Variants in NAA25 observed in about 807,000 individuals in gnomAD.
NAA25 encodes the protein N-terminal acetyltransferase B complex subunit NAA25.
NAA25 carries 30 observed loss-of-function variants against 132.5 expected under a neutral mutation model. The observed-to-expected ratio is 0.23, with a 90% CI of 0.17 to 0.31. The LOEUF (loss-of-function observed/expected upper bound fraction) is 0.31, where lower values mean the gene tolerates loss of function less well. Ranked by LOEUF, NAA25 falls within the 10% of genes least tolerant of loss-of-function variation. The pLI, the probability that NAA25 is intolerant of heterozygous loss-of-function variation, is 1.00. For synonymous variants in NAA25, 359 were observed against 401.9 expected (o/e 0.89, Z 1.28); for missense variants, 771 against 1,150.4 (o/e 0.67, Z 4.77).
At chr12:112,064,947 T>C (rs982022136) in intron 11 of NAA25, among the ~76,000 whole-genome samples, 7 of 152,188 alleles carry the variant, frequency 4.6e-5, no homozygotes, top group South Asian at 2.1e-4. Flanking sequence ...GGCAGGAGAA[T>C]TGCTTGAACC....
In NAA25 at chr12:112,043,222, G is replaced by T; in HGVS notation, c.2251-11C>A. On this transcript the variant is annotated splice_polypyrimidine_tract_variant and intron_variant, in intron 18 of 23. Transcript: ENST00000261745. ...ACCAAGGAAAGGATACTGGAAAAAA[G>T]GGAGAAAAATAATGCTCTTTTAAAT... 6.4e-7 allele frequency: 1 copy of T among 1,568,912 alleles called. No homozygotes were observed. The highest frequency in any genetic ancestry group is 1.2e-5 in the South Asian group (1 of 84,122).
intron 22 of NAA25, among the ~76,000 whole-genome samples, chr12:112,035,858 A>C (rs544004426): frequency 6.6e-6 from 1 of 151,558 alleles, no homozygotes; most frequent in Non-Finnish European, 1.5e-5. Context: ...ATTTTTAAAA[A>C]TTTTTTTGTT....
At position 112,033,006 on chromosome 12, in the gene NAA25, C is replaced by T. The variant is rs577052102; in HGVS notation, c.2796+227G>A. ...TTAGTTTTCATAGTAAAAGAACAAC[C>T]CCAAAAATGCATAGAAAGGAGGACG... On this transcript the variant is annotated intron_variant, in intron 23 of 23. Coordinates refer to ENST00000261745, the MANE Select transcript of NAA25 (RefSeq NM_024953.4). Among the ~76,000 whole-genome samples, 67 of 152,070 alleles carry T rather than the reference C, an allele frequency of 4.4e-4. 2 individuals are homozygous for T. Among genetic ancestry groups the T allele is most frequent in the African/African-American group, 1.6e-3 (65 of 41,460 alleles).
intron 17 of NAA25, among the ~76,000 whole-genome samples, chr12:112,047,138 C>G (rs1200446486): frequency 6.6e-6 from 1 of 151,496 alleles, no homozygotes; most frequent in Non-Finnish European, 1.5e-5. Flanking sequence ...TTTGGCTTAC[C>G]TATATTTTCT....
Position 112,078,687 on chromosome 12 carries a change from C to T in NAA25, c.532G>A (p.Glu178Lys). Residue 178 changes from glutamate (E) to lysine (K), a missense_variant, in exon 6 of 24, where the codon GAG becomes AAG. Transcript: ENST00000261745. ...TTCACCATTTTTTCGACCATTCTCT[C>T]AGCAAGGGGCAGAAACATTGTTTTT... The part of the protein sequence containing the change: ...LSKTMFLPLA[E>K]RMVEKMVKED... 6.2e-7 allele frequency: 1 copy of T among 1,614,096 alleles called. No individual in the cohort carries two copies. The highest frequency in any genetic ancestry group is 8.5e-7 in the Non-Finnish European group (1 of 1,179,984).
chr12:112,098,901 GCCC>G (rs1332482412), intron 1 of NAA25, among the ~76,000 whole-genome samples: 1 of 152,096 alleles, frequency 6.6e-6, no homozygotes, highest in Non-Finnish European at 1.5e-5. Flanking sequence ...ACCACGCCTG[GCCC>G]TAATCTCTTT....
intron 15 of NAA25, among the ~76,000 whole-genome samples, chr12:112,051,226 T>G (rs1417022102): frequency 1.3e-5 from 2 of 152,138 alleles, no homozygotes; most frequent in Non-Finnish European, 2.9e-5. Context: ...TTTTCTTTTT[T>G]GGTGGGGGGA....
chr12:112,063,331 A>G (rs2078665733), intron 11 of NAA25, among the ~76,000 whole-genome samples: 1 of 152,180 alleles, frequency 6.6e-6, no homozygotes, highest in South Asian at 2.1e-4. Flanking sequence ...ATTAATTTCT[A>G]AGAAGTTAGG....
At chr12:112,079,800 TA>T (rs2136905283) in intron 5 of NAA25, among the ~76,000 whole-genome samples, 1 of 152,210 alleles carries the variant, frequency 6.6e-6, no homozygotes, top group South Asian at 2.1e-4. Context: ...GGAGAAGTGA[TA>T]AAAGAAGGCC....
intron 4 of NAA25, among the ~76,000 whole-genome samples, chr12:112,081,975 G>A (rs993445680): frequency 6.6e-6 from 1 of 152,188 alleles, no homozygotes; most frequent in Non-Finnish European, 1.5e-5. Flanking sequence ...CCTGGGCCAG[G>A]CGCAATGGCT....
intron 1 of NAA25, among the ~76,000 whole-genome samples, chr12:112,098,233 G>C (rs2079244392): frequency 6.6e-6 from 1 of 151,628 alleles, no homozygotes; most frequent in Admixed American, 6.6e-5. Context: ...ATTTCCATCA[G>C]GTCCTGGGGC....
chr12:112,063,243 G>C (rs1487715630), intron 11 of NAA25, among the ~76,000 whole-genome samples: 2 of 152,160 alleles, frequency 1.3e-5, no homozygotes, highest in African/African-American at 4.8e-5. Context: ...TCTAGTCACA[G>C]AATCTTGGAA....
chr12:112,067,170 G>A (rs1008816106), intron 11 of NAA25, among the ~76,000 whole-genome samples: 2 of 152,054 alleles, frequency 1.3e-5, no homozygotes, highest in African/African-American at 2.4e-5. Context: ...ACACACTCCA[G>A]CCTGGGCGAC....
chr12:112,108,480 G>C (rs1328612647), intron 1 of NAA25, among the ~76,000 whole-genome samples: 1 of 152,172 alleles, frequency 6.6e-6, no homozygotes, highest in Non-Finnish European at 1.5e-5. Flanking sequence ...TGCCAAGCAG[G>C]CCAGCTCTGC....
chr12:112,029,538 T>C lies in NAA25; in HGVS notation c.2912A>G (p.Lys971Arg). 6.2e-7 allele frequency: 1 copy of C among 1,614,078 alleles called. No homozygotes were observed. The highest frequency in any genetic ancestry group is 8.5e-7 in the Non-Finnish European group (1 of 1,179,972). The part of the protein sequence containing the change: ...KKRLETTKKL[K>R]I ...CCCATGATAGATACTTCCTTAAATTTTTAGTTTCTTTGTGGTCTCAAGTCT... is the reference window on the plus strand; with the variant it reads ...CCCATGATAGATACTTCCTTAAATTCTTAGTTTCTTTGTGGTCTCAAGTCT... Residue 971 changes from lysine to arginine, a missense_variant, in exon 24 of 24, where the codon AAA (lysine) becomes AGA (arginine). Coordinates refer to ENST00000261745, the MANE Select transcript of NAA25 (RefSeq NM_024953.4).
Position 112,026,749 on chromosome 12 carries a change from T to C in NAA25, c.*2782A>G, listed in dbSNP as rs1420189281. The C allele has an allele frequency of 6.6e-6, 1 of 152,224 alleles. No individual in the cohort carries two copies. Among genetic ancestry groups the C allele is most frequent in the Non-Finnish European group, 1.5e-5 (1 of 68,038 alleles). The allele number at this position is 152,224 out of a possible 1,614,324, so 9.4% of individuals were successfully genotyped here. ...CCCATCCAGTTTAAAGTAGATTTGCTATGCTTCACTTACTTAAGGAAGAAT... is the reference window on the plus strand; with the variant it reads ...CCCATCCAGTTTAAAGTAGATTTGCCATGCTTCACTTACTTAAGGAAGAAT... On this transcript the variant is annotated 3_prime_UTR_variant, in exon 24 of 24. Coordinates refer to ENST00000261745, the MANE Select transcript of NAA25 (RefSeq NM_024953.4).
At chr12:112,089,665 C>T (rs900234402) in intron 3 of NAA25, among the ~76,000 whole-genome samples, 5 of 151,848 alleles carry the variant, frequency 3.3e-5, no homozygotes, top group Non-Finnish European at 7.4e-5. Context: ...TTCAGGATAG[C>T]GAGTAACTCT....
intron 1 of NAA25, among the ~76,000 whole-genome samples, chr12:112,099,759 G>A (rs1322815650): frequency 1.3e-5 from 2 of 152,176 alleles, no homozygotes; most frequent in Non-Finnish European, 2.9e-5. Context: ...CAATCTTACT[G>A]AGGGATGGAT....
At chr12:112,057,375 C>T (rs576004915) in intron 13 of NAA25, among the ~76,000 whole-genome samples, 2 of 152,200 alleles carry the variant, frequency 1.3e-5, no homozygotes, top group East Asian at 1.9e-4. Flanking sequence ...TTGGTGAGAA[C>T]GGATGTTAGG....
Sources: gnomAD v4.1 joint callset for allele counts (sites outside exome capture counted in the v4.1 genomes callset) on GRCh38, gnomAD v4.1.1 for gene constraint, MANE v1.5 for transcripts, NCBI Gene and HGNC (gene_info 2026-07-23, HGNC 2026-07-21) for gene names.